The following SLC22A14 variants were observed in gnomAD, a reference collection of about 807,000 sequenced individuals.
The protein encoded by SLC22A14 is organic cation transporter-like 4.
Under a neutral mutation model 53.9 loss-of-function variants are expected in SLC22A14, and 50 were observed. The observed-to-expected ratio is 0.93, with a 90% CI of 0.74 to 1.17. The LOEUF (loss-of-function observed/expected upper bound fraction) is 1.17. SLC22A14 is among the 50% of genes most tolerant of loss of function. The probability of loss-of-function intolerance (pLI) is 0.00; values close to 1 mark genes in which losing one functional copy is unlikely to be tolerated. For missense variants in SLC22A14, 671 were observed against 734.7 expected, an observed-to-expected ratio of 0.91 and a Z score of 1.00; for synonymous variants, 312 against 303.0, an observed-to-expected ratio of 1.03 and a Z score of -0.31.
intron 1 of SLC22A14, among the ~76,000 whole-genome samples, chr3:38,294,270 C>T (rs573546414): frequency 3.9e-4 from 60 of 152,242 alleles, no homozygotes; most frequent in African/African-American, 1.4e-3. Context: ...GCATAAATCA[C>T]ACTTTTTACA....
At chr3:38,305,631 C>G in intron 1 of SLC22A14, 3 of 172,632 alleles carry the variant, frequency 1.7e-5, no homozygotes, top group South Asian at 1.5e-4. Flanking sequence ...GCCGACGATG[C>G]AGATCTTTGT....
intron 1 of SLC22A14, among the ~76,000 whole-genome samples, chr3:38,295,361 C>G (rs908282427): frequency 7.2e-5 from 11 of 152,354 alleles, no homozygotes; most frequent in African/African-American, 2.6e-4. Flanking sequence ...GAGGTGTGCT[C>G]ACAATGAGGT....
intron 1 of SLC22A14, among the ~76,000 whole-genome samples, chr3:38,290,952 A>G (rs577051021): frequency 5.9e-5 from 9 of 152,294 alleles, no homozygotes; most frequent in South Asian, 2.1e-4. Context: ...ACAGCCAATA[A>G]TAATCTCCTA....
intron 4 of SLC22A14, 76 bp from the exon 5 acceptor site, chr3:38,308,878 C>A: frequency 2.2e-6 from 3 of 1,387,880 alleles, no homozygotes; most frequent in Non-Finnish European, 3.0e-6. Context: ...GTGGGGACAC[C>A]CAGCAAGGCT....
At chr3:38,286,282 A>G (rs373548821) in intron 1 of SLC22A14, among the ~76,000 whole-genome samples, 2 of 152,216 alleles carry the variant, frequency 1.3e-5, no homozygotes, top group African/African-American at 4.8e-5. Flanking sequence ...TCAAATGAGT[A>G]TAAATATCCT....
At chr3:38,301,119 T>C (rs73825516) in intron 1 of SLC22A14, among the ~76,000 whole-genome samples, 9,762 of 152,164 alleles carry the variant, frequency 0.064, 374 homozygotes, top group East Asian at 0.16. Context: ...GCACCTGGCC[T>C]CAAACACTCT....
rs751080164 is a variant in SLC22A14 at position 38,306,525 on chromosome 3, C to T, written c.499C>T (p.Arg167Ter). 5 of 1,612,826 alleles carry T rather than the reference C, an allele frequency of 3.1e-6. No individual in the cohort carries two copies. The South Asian group carries it at 3.3e-5, about 11-fold the overall frequency. The change falls in exon 2 of 11, where the codon CGA (arginine) becomes TGA (stop). Residue 167 changes from arginine to a stop codon, truncating the protein, a stop_gained. Transcript: ENST00000448498. LOFTEE classifies it high-confidence loss of function. ...DGWIYPDAKKRSLINEFDLVC... is the reference protein window; with the variant it reads ...DGWIYPDAKK Reference sequence around the variant, plus strand: ...GTGGATCTATCCTGACGCTAAGAAGCGATCGCTGATCAATGAGGTATGTCT... The same window carrying T: ...GTGGATCTATCCTGACGCTAAGAAGTGATCGCTGATCAATGAGGTATGTCT...
chr3:38,315,585 C>A lies in SLC22A14; in HGVS notation c.1406C>A (p.Pro469Gln). Residue 469 changes from proline (P) to glutamine (Q), a missense_variant, in exon 9 of 11, where the codon CCA becomes CAA. Physicochemically the swap from Pro to Gln is moderately conservative, Grantham distance 76. Transcript: ENST00000448498. ...GAGGATGGCCTCAGACTCAAGTGGC[C>A]ACGTTGTCCGGCCACAGAGCTGAAA... ...EGEDGLRLKWPRCPATELKSM... is the reference protein window; with the variant it reads ...EGEDGLRLKWQRCPATELKSM... The A allele has an allele frequency of 1.2e-6, 2 of 1,614,052 alleles. No homozygotes were observed. The highest frequency in any genetic ancestry group is 1.7e-6 in the Non-Finnish European group (2 of 1,179,994).
At chr3:38,308,006 C>T (rs1346512275) in intron 4 of SLC22A14, 25 of 472,016 alleles carry the variant, frequency 5.3e-5, no homozygotes, top group Non-Finnish European at 7.8e-5. Flanking sequence ...GCCCTTCCAC[C>T]TTCATCCTCC....
intron 1 of SLC22A14, among the ~76,000 whole-genome samples, chr3:38,303,522 A>G (rs1575414096): frequency 6.6e-6 from 1 of 152,050 alleles, no homozygotes; most frequent in South Asian, 2.1e-4. Flanking sequence ...ACTTAAAAAC[A>G]TATGGAGTTA....
chr3:38,279,051 T>A (rs1301698707), upstream of SLC22A14, among the ~76,000 whole-genome samples: 3 of 152,162 alleles, frequency 2.0e-5, no homozygotes, highest in African/African-American at 7.2e-5. Flanking sequence ...CACCCCAGCT[T>A]GCTCACCTTC....
intron 1 of SLC22A14, 61 bp from the exon 2 acceptor site, chr3:38,305,966 G>C (rs1704287603): frequency 2.0e-6 from 3 of 1,524,260 alleles, no homozygotes; most frequent in Non-Finnish European, 1.8e-6. Flanking sequence ...CTCCCATGCT[G>C]GTCTCTGATG....
chr3:38,289,686 G>A (rs9814316), intron 1 of SLC22A14, among the ~76,000 whole-genome samples: 33,387 of 152,054 alleles, frequency 0.22, 4,099 homozygotes, highest in African/African-American at 0.33. Context: ...CCTTTAGCCC[G>A]ATCCGGAGTG....
At chr3:38,309,179 T>A in intron 5 of SLC22A14, 57 bp downstream of exon 5, 1 of 1,464,006 alleles carries the variant, frequency 6.8e-7, no homozygotes, top group Non-Finnish European at 9.5e-7. Flanking sequence ...TGGATGTCGA[T>A]GAGTATGGAG....
At chr3:38,313,544 A>G in intron 7 of SLC22A14, 59 bp downstream of exon 7, 1 of 1,284,994 alleles carries the variant, frequency 7.8e-7, no homozygotes, top group Non-Finnish European at 1.1e-6. Context: ...TGGAAACTCT[A>G]GGGAGAGGAT....
chr3:38,282,566 G>A (rs954641151), intron 1 of SLC22A14, among the ~76,000 whole-genome samples: 4 of 152,122 alleles, frequency 2.6e-5, no homozygotes, highest in Non-Finnish European at 4.4e-5. Flanking sequence ...CATCTCCTGC[G>A]GCAGGTGGAG....
chr3:38,289,618 A>G (rs1703867198), intron 1 of SLC22A14, among the ~76,000 whole-genome samples: 2 of 152,216 alleles, frequency 1.3e-5, no homozygotes, highest in African/African-American at 2.4e-5. Context: ...CCCAGCTACT[A>G]GTGTTCAGCT....
intron 1 of SLC22A14, among the ~76,000 whole-genome samples, chr3:38,298,452 A>G (rs1215087349): frequency 6.6e-6 from 1 of 151,782 alleles, no homozygotes; most frequent in African/African-American, 2.4e-5. Flanking sequence ...CTATCTATCT[A>G]TCTATCTATC....
upstream of SLC22A14, among the ~76,000 whole-genome samples, chr3:38,281,515 C>T (rs573271072): frequency 1.3e-5 from 2 of 152,270 alleles, no homozygotes; most frequent in South Asian, 2.1e-4. Flanking sequence ...GTGAGGGAAC[C>T]GAGCAAGCTA....
Sources: gnomAD v4.1 joint callset for allele counts (sites outside exome capture counted in the v4.1 genomes callset) on GRCh38, gnomAD v4.1.1 for gene constraint, MANE v1.5 for transcripts, NCBI Gene and HGNC (gene_info 2026-07-23, HGNC 2026-07-21) for gene names.